Variants in LNX1 observed in about 807,000 individuals in gnomAD.
LNX1 encodes E3 ubiquitin-protein ligase LNX.
In LNX1, 54 loss-of-function variants were observed where a neutral mutation model predicts 68.4. That is an observed-to-expected ratio of 0.79 (90% CI 0.63 to 0.99). LNX1 has a LOEUF of 0.99. LNX1 is among the 50% of genes least tolerant of loss of function. The pLI is 0.00. For synonymous variants in LNX1, 336 were observed against 350.0 expected, an observed-to-expected ratio of 0.96 and a Z score of 0.45; for missense variants, 906 against 926.4, an observed-to-expected ratio of 0.98 and a Z score of 0.29.
rs1349195222 is a variant in LNX1 at position 53,630,009 on chromosome 4, C to T, written c.-215+22159G>A. ...TACTAATATTTTCTACTAAGTTTTACTGGTCCAGCAAAAAAGAAGACACTT... is the reference window on the plus strand; with the variant it reads ...TACTAATATTTTCTACTAAGTTTTATTGGTCCAGCAAAAAAGAAGACACTT... On this transcript the variant is annotated intron_variant, in intron 1 of 2. Coordinates refer to the LNX1 transcript ENST00000507168. 2.0e-5 allele frequency among the ~76,000 whole-genome samples: 3 copies of T among 152,036 alleles called. No homozygotes were observed. In the East Asian group the frequency reaches 5.8e-4, roughly 29 times the overall value.
chr4:53,566,074 G>A (rs1730665085), intron 2 of LNX1, among the ~76,000 whole-genome samples: 2 of 151,530 alleles, frequency 1.3e-5, no homozygotes, highest in South Asian at 4.2e-4. Flanking sequence ...AAAACACTCT[G>A]CAGGATATTA....
intron 1 of LNX1, among the ~76,000 whole-genome samples, chr4:53,626,190 A>C (rs1156925235): frequency 1.3e-5 from 2 of 152,194 alleles, no homozygotes; most frequent in Non-Finnish European, 2.9e-5. Flanking sequence ...GAATAGGAAA[A>C]TCTATGCAGA....
At chr4:53,496,979 G>A (rs1157485644) in intron 5 of LNX1, among the ~76,000 whole-genome samples, 1 of 152,186 alleles carries the variant, frequency 6.6e-6, no homozygotes, top group Non-Finnish European at 1.5e-5. Flanking sequence ...GTGTGCGGAT[G>A]GGAATGTGTC....
chr4:53,609,736 AC>A lies in LNX1; in HGVS notation c.-215+6780del, dbSNP rs1413982580. 2.3e-3 allele frequency among the ~76,000 whole-genome samples: 332 copies of A among 141,602 alleles called. 1 individual carries two copies. Among genetic ancestry groups the A allele is most frequent in the African/African-American group, 8.3e-3 (328 of 39,594 alleles). 92.9% of individuals were successfully genotyped at this position (141,602 alleles called of 152,430 possible). A position where few individuals can be genotyped will look rare whatever the true frequency, so the allele number is the denominator to read the frequency against. On this transcript the variant is annotated intron_variant, in intron 2 of 3. Transcript: ENST00000504299. ...TAATATATAGTACAATATATAATAT[AC>A]TATTATATATTATATATAATATACT...
At chr4:53,618,770 A>G (rs1202475343), upstream of LNX1, among the ~76,000 whole-genome samples, 2 of 152,236 alleles carry the variant, frequency 1.3e-5, no homozygotes, top group African/African-American at 4.8e-5. Flanking sequence ...ACTGTATTTT[A>G]GCTAACTAAA....
At chr4:53,607,298 GCA>G (rs1733272616) in intron 2 of LNX1, among the ~76,000 whole-genome samples, 2 of 152,122 alleles carry the variant, frequency 1.3e-5, no homozygotes, top group Non-Finnish European at 2.9e-5. Context: ...AAAATCACTA[GCA>G]TTTTGTATAC....
chr4:53,549,075 T>G (rs1020196213), intron 2 of LNX1, among the ~76,000 whole-genome samples: 3 of 152,142 alleles, frequency 2.0e-5, no homozygotes, highest in African/African-American at 7.2e-5. Context: ...GTACTGGGTT[T>G]AATACCTATG....
chr4:53,609,198 C>CTG (rs1385692082), intron 2 of LNX1, among the ~76,000 whole-genome samples: 2 of 151,986 alleles, frequency 1.3e-5, no homozygotes, highest in African/African-American at 4.8e-5. Flanking sequence ...GAAAAATCAT[C>CTG]TGTATACAAA....
intron 2 of LNX1, among the ~76,000 whole-genome samples, chr4:53,570,020 G>T (rs530332289): frequency 5.8e-4 from 88 of 152,300 alleles, no homozygotes; most frequent in African/African-American, 2.0e-3. Context: ...AAGAACAGGT[G>T]GTGGAGAGGA....
intron 2 of LNX1, among the ~76,000 whole-genome samples, chr4:53,607,499 A>T (rs1056327150): frequency 2.0e-5 from 3 of 152,224 alleles, no homozygotes; most frequent in African/African-American, 7.2e-5. Context: ...ATGTTCATAG[A>T]TAGGAAGAAT....
At chr4:53,474,773 T>TG (rs1491270176) in intron 9 of LNX1, among the ~76,000 whole-genome samples, 11 of 48,338 alleles carry the variant, frequency 2.3e-4, no homozygotes, top group Non-Finnish European at 5.0e-4. Context: ...CTCTACTTCT[T>TG]CTTTTTTTTT....
intron 1 of LNX1, among the ~76,000 whole-genome samples, chr4:53,649,347 C>T (rs1456348487): frequency 1.7e-4 from 26 of 152,204 alleles, no homozygotes; most frequent in Admixed American, 1.7e-3. Flanking sequence ...CACAAGGCGA[C>T]TACTATTACA....
chr4:53,549,884 C>T (rs1489237657), intron 2 of LNX1, among the ~76,000 whole-genome samples: 1 of 152,104 alleles, frequency 6.6e-6, no homozygotes, highest in Non-Finnish European at 1.5e-5. Flanking sequence ...GCCTCTTATC[C>T]GCCTGACATA....
At chr4:53,594,751 A>G (rs1732677284), upstream of LNX1, among the ~76,000 whole-genome samples, 1 of 150,896 alleles carries the variant, frequency 6.6e-6, no homozygotes, top group African/African-American at 2.4e-5. Context: ...TCCCTTTGTC[A>G]TCCAAGCTAT....
chr4:53,476,785 G>A lies in LNX1; in HGVS notation c.1860C>T (p.Ser620=). The change falls in exon 9 of 11, where the codon TCC becomes TCT. Residue 620 remains serine, a synonymous_variant. Coordinates refer to ENST00000263925, the MANE Select transcript of LNX1 (RefSeq NM_001126328.3). Reference sequence around the variant, plus strand: ...ATTCCAGCCACATGACCCAGGATGGGGACCAGTCACTGGGTGGGGCCATGT... The same window carrying A: ...ATTCCAGCCACATGACCCAGGATGGAGACCAGTCACTGGGTGGGGCCATGT... ...NHNMAPPSDW[S]PSWVMWLELP... 6.2e-7 allele frequency: 1 copy of A among 1,614,158 alleles called. No homozygotes were observed. The highest frequency in any genetic ancestry group is 8.5e-7 in the Non-Finnish European group (1 of 1,180,020).
At chr4:53,461,135 A>G (rs547484144) in intron 10 of LNX1, 93 bp from the exon 11 acceptor site, 2 of 1,068,884 alleles carry the variant, frequency 1.9e-6, no homozygotes, top group Non-Finnish European at 1.3e-6. Context: ...ATTTTGCTAC[A>G]TCTGACCATT....
chr4:53,604,996 A>G (rs1263793517), intron 2 of LNX1, among the ~76,000 whole-genome samples: 1 of 152,248 alleles, frequency 6.6e-6, no homozygotes, highest in African/African-American at 2.4e-5. Context: ...CCTGGATTAC[A>G]AAACCATAGC....
At chr4:53,500,145 T>A (rs2109484521) in intron 4 of LNX1, 1 of 152,380 alleles carries the variant, frequency 6.6e-6, no homozygotes, top group African/African-American at 2.4e-5. Flanking sequence ...CCCAGAGTTC[T>A]TGTGACCGGT....
At chr4:53,570,147 A>AG (rs1270653383) in intron 2 of LNX1, among the ~76,000 whole-genome samples, 3,396 of 143,606 alleles carry the variant, frequency 0.024, 134 homozygotes, top group African/African-American at 0.082. Context: ...CATTTGACCC[A>AG]GCCATCCCAT....
Sources: gnomAD v4.1 joint callset for allele counts (sites outside exome capture counted in the v4.1 genomes callset) on GRCh38, gnomAD v4.1.1 for gene constraint, MANE v1.5 for transcripts, NCBI Gene and HGNC (gene_info 2026-07-23, HGNC 2026-07-21) for gene names.